Variants in RICTOR observed in about 807,000 individuals in gnomAD.
RICTOR encodes RPTOR independent companion of MTOR complex 2.
Under a neutral mutation model 214.9 loss-of-function variants are expected in RICTOR, and 49 were observed. The observed-to-expected ratio is 0.23, with a 90% CI of 0.18 to 0.29. RICTOR has a LOEUF of 0.29. Among genes scored for constraint, RICTOR ranks in the 10% least tolerant of loss-of-function variants. RICTOR has a pLI of 1.00. For missense variants in RICTOR, 1,625 were observed against 2,047.0 expected (o/e 0.79, Z 3.98); for synonymous variants, 717 against 711.3 (o/e 1.01, Z -0.13).
At chr5:38,987,042 G>A (rs560597601) in intron 7 of RICTOR, among the ~76,000 whole-genome samples, 1 of 152,308 alleles carries the variant, frequency 6.6e-6, no homozygotes, top group Admixed American at 6.5e-5. Context: ...ATTTGCGTAT[G>A]CTGAACTAGC....
intron 2 of RICTOR, among the ~76,000 whole-genome samples, chr5:39,036,148 TG>T (rs1756675255): frequency 4.6e-5 from 7 of 151,952 alleles, no homozygotes; most frequent in Admixed American, 4.6e-4. Context: ...CAGAAGAGAG[TG>T]GGGCCGAATA....
At chr5:39,003,492 A>T (rs1753802032) in intron 4 of RICTOR, 66 bp downstream of exon 4, 1 of 1,034,050 alleles carries the variant, frequency 9.7e-7, no homozygotes, top group African/African-American at 1.6e-5. Flanking sequence ...TTTCTAGTTT[A>T]AAATTACTAA....
intron 2 of RICTOR, among the ~76,000 whole-genome samples, chr5:39,071,572 T>C (rs1759326290): frequency 6.6e-6 from 1 of 152,212 alleles, no homozygotes; most frequent in Non-Finnish European, 1.5e-5. Flanking sequence ...TGAAGTTATC[T>C]CTTATTTTAG....
In RICTOR at chr5:38,967,365, T is replaced by C. The variant is rs1750326381; in HGVS notation, c.1123A>G (p.Thr375Ala). 2 of 1,613,600 alleles carry C rather than the reference T, an allele frequency of 1.2e-6. No homozygotes were observed. The highest frequency in any genetic ancestry group is 1.7e-6 in the Non-Finnish European group (2 of 1,179,630). The change falls in exon 13 of 38, where the codon ACT (threonine) becomes GCT (alanine). Residue 375 changes from threonine (T) to alanine (A), a missense_variant. By Grantham distance (58) the Thr-to-Ala change is moderately conservative. Coordinates refer to ENST00000357387, the MANE Select transcript of RICTOR (RefSeq NM_152756.5). ...SDGFVAAEAK[T>A]ILPHRARSRP... ...GATCTGGCACGATGAGGAAGAATAG[T>C]TTTTGCCTCAGCTGCCACAAAGCCA...
rs1202742849 is a variant in RICTOR at position 39,074,399 on chromosome 5, C to T, written c.-22G>A. On this transcript the variant is annotated 5_prime_UTR_variant, in exon 1 of 38. Coordinates refer to ENST00000357387, the MANE Select transcript of RICTOR (RefSeq NM_152756.5). Reference sequence around the variant, plus strand: ...CCATATTGACGGGTTTCAGTCACAACACCGGAAACCTCGCCCAATCGCGCG... The same window carrying T: ...CCATATTGACGGGTTTCAGTCACAATACCGGAAACCTCGCCCAATCGCGCG... 6.5e-7 allele frequency: 1 copy of T among 1,528,502 alleles called. No individual in the cohort carries two copies. The highest frequency in any genetic ancestry group is 2.6e-5 in the East Asian group (1 of 38,166). 94.7% of individuals were successfully genotyped at this position (1,528,502 alleles called of 1,614,324 possible). A position where few individuals can be genotyped will look rare whatever the true frequency, so the allele number is the denominator to read the frequency against.
In RICTOR at chr5:38,962,920, G is replaced by A. The variant is rs763305312; in HGVS notation, c.1522C>T (p.Arg508Trp). The A allele has an allele frequency of 3.7e-6, 6 of 1,612,628 alleles. No individual in the cohort carries two copies. The highest frequency in any genetic ancestry group is 2.2e-5 in the East Asian group (1 of 44,838). ...TTCTGAACTCGGAGATACTGATCCC[G>A]TTTCTGGTGTGTTGCAATTGCTTTC... ...IQKAIATHQK[R>W]DQYLRVQKDI... is the part of the protein sequence containing the mutation. Residue 508 changes from arginine to tryptophan, a missense_variant, in exon 17 of 38, where the codon CGG becomes TGG. By Grantham distance (101) the Arg-to-Trp change is moderately radical. This residue lies in a region of RICTOR where 1,214 missense variants were observed against 1,470.5 expected (regional missense o/e 0.83). Coordinates refer to ENST00000357387, the MANE Select transcript of RICTOR (RefSeq NM_152756.5).
chr5:38,948,111 G>A (rs1019845173), intron 31 of RICTOR, among the ~76,000 whole-genome samples: 2 of 152,006 alleles, frequency 1.3e-5, no homozygotes, highest in Non-Finnish European at 2.9e-5. Context: ...TTCTCATACA[G>A]ATTCTTACTT....
intron 2 of RICTOR, 30 bp downstream of exon 2, chr5:39,074,081 C>T (rs751697064): frequency 5.2e-6 from 8 of 1,551,336 alleles, no homozygotes; most frequent in Non-Finnish European, 7.0e-6. Flanking sequence ...AGCAGCGCGC[C>T]CTCGCGGCGC....
intron 3 of RICTOR, among the ~76,000 whole-genome samples, chr5:39,013,288 A>C (rs375355544): frequency 1.3e-5 from 2 of 152,142 alleles, no homozygotes; most frequent in East Asian, 3.8e-4. Context: ...TATTATACAA[A>C]TCTTATTTTA....
Position 38,978,566 on chromosome 5 carries a change from G to A in RICTOR, c.821+17C>T, listed in dbSNP as rs372654798. The A allele has an allele frequency of 1.4e-5, 20 of 1,403,848 alleles. No homozygotes were observed. The East Asian group carries it at 3.9e-4, about 28-fold the overall frequency. The allele number at this position is 1,403,848 out of a possible 1,614,324, so 87.0% of individuals were successfully genotyped here. ...TATACATTATCTTAAAAATTATTAG[G>A]AACCAATGTTACTTACTTGAGCTGT... On this transcript the variant is annotated intron_variant, in intron 9 of 37. Transcript: ENST00000357387.
At chr5:39,059,557 C>A (rs1758406213) in intron 2 of RICTOR, among the ~76,000 whole-genome samples, 1 of 151,970 alleles carries the variant, frequency 6.6e-6, no homozygotes. Flanking sequence ...TACTGTTTTC[C>A]CTGCAGTTCT....
intron 6 of RICTOR, among the ~76,000 whole-genome samples, chr5:38,996,583 A>G (rs909452665): frequency 6.6e-6 from 1 of 152,226 alleles, no homozygotes; most frequent in African/African-American, 2.4e-5. Flanking sequence ...ATATTCTTCA[A>G]AATAAACATT....
rs1053316466 is a variant in RICTOR, at chr5:38,941,636, T to C, written c.*668A>G. On this transcript the variant is annotated 3_prime_UTR_variant, in exon 38 of 38. Coordinates refer to ENST00000357387, the MANE Select transcript of RICTOR (RefSeq NM_152756.5). The stretch of plus-strand genomic sequence containing the variant: ...GGTTCATATATCCTGTAATAACACA[T>C]TGCAACAAAATGAAGAGTTGGAAAA... The C allele has an allele frequency of 3.9e-5, 9 of 232,292 alleles. No individual in the cohort carries two copies. Among genetic ancestry groups the C allele is most frequent in the Middle Eastern group, 2.6e-3 (2 of 776 alleles). 14.4% of individuals were successfully genotyped at this position (232,292 alleles called of 1,614,324 possible). A position where few individuals can be genotyped will look rare whatever the true frequency, so the allele number is the denominator to read the frequency against.
chr5:38,942,366 C>A lies in RICTOR; in HGVS notation c.5065G>T (p.Ala1689Ser). ...GGTGGTGTTGCCAACACAGCCTCTG[C>A]TTCTTCATGCATCTAGGGAAAAAAT... Reference protein sequence around the residue: ...DVQFLQMHEEAEAVLATPPKQ... With the variant: ...DVQFLQMHEESEAVLATPPKQ... The change falls in exon 38 of 38, where the codon GCA (alanine) becomes TCA (serine). Residue 1689 changes from alanine to serine, a missense_variant. Physicochemically the swap from Ala to Ser is moderately conservative, Grantham distance 99. This residue lies in a region of RICTOR where 38 missense variants were observed against 34.8 expected (regional missense o/e 1.09). Transcript: ENST00000357387. 1 of 1,590,672 alleles carries A rather than the reference C, an allele frequency of 6.3e-7. No homozygotes were observed. Among genetic ancestry groups the A allele is most frequent in the South Asian group, 1.2e-5 (1 of 86,872 alleles).
intron 24 of RICTOR, among the ~76,000 whole-genome samples, chr5:38,957,934 CAATCACA>C (rs1333607074): frequency 6.6e-6 from 1 of 152,004 alleles, no homozygotes; most frequent in Non-Finnish European, 1.5e-5. Context: ...CACGCGAACC[CAATCACA>C]ATAAAGAAAA....
intron 3 of RICTOR, among the ~76,000 whole-genome samples, chr5:39,020,594 C>T (rs746875742): frequency 6.6e-6 from 1 of 152,178 alleles, no homozygotes; most frequent in Non-Finnish European, 1.5e-5. Flanking sequence ...ATAGTATAAA[C>T]ATAACTTTTT....
intron 25 of RICTOR, among the ~76,000 whole-genome samples, 165 bp downstream of exon 25, chr5:38,957,487 T>A (rs551507984): frequency 2.0e-5 from 3 of 152,306 alleles, no homozygotes; most frequent in East Asian, 3.9e-4. Context: ...TAACTATAAA[T>A]ACTAGCAATT....
In RICTOR at chr5:38,962,906, G is replaced by A. The variant is rs1307560015; in HGVS notation, c.1536C>T (p.Leu512=). 3 of 1,612,740 alleles carry A rather than the reference G, an allele frequency of 1.9e-6. No individual in the cohort carries two copies. In the South Asian group the frequency reaches 3.3e-5, roughly 18 times the overall value. Residue 512 remains leucine, a synonymous_variant, in exon 17 of 38, where the codon CTC becomes CTT. Transcript: ENST00000357387. ...IATHQKRDQY[L]RVQKDIFILK... ...GGATAAATATATCTTTCTGAACTCG[G>A]AGATACTGATCCCGTTTCTGGTGTG...
chr5:39,047,490 G>A (rs1255102351), intron 2 of RICTOR, among the ~76,000 whole-genome samples: 1 of 152,178 alleles, frequency 6.6e-6, no homozygotes, highest in Non-Finnish European at 1.5e-5. Flanking sequence ...TGGTACCGGT[G>A]CACAGCCAGG....
Sources: gnomAD v4.1 joint callset for allele counts (sites outside exome capture counted in the v4.1 genomes callset) on GRCh38, gnomAD v4.1.1 for gene constraint, gnomAD v4.1.1 regional missense constraint, MANE v1.5 for transcripts, NCBI Gene and HGNC (gene_info 2026-07-23, HGNC 2026-07-21) for gene names.